Variants in CCNT1 observed in about 807,000 individuals in gnomAD.
CCNT1 encodes cyclin T1, also known as cyclin-T1.
Under a neutral mutation model 67.3 loss-of-function variants are expected in CCNT1, and 18 were observed. That is an observed-to-expected ratio of 0.27 (90% CI 0.18 to 0.40). The LOEUF is 0.40. CCNT1 is among the 10% of genes least tolerant of loss of function. CCNT1 has a pLI of 1.00. For synonymous variants in CCNT1, 333 were observed against 310.3 expected, an observed-to-expected ratio of 1.07 and a Z score of -0.77; for missense variants, 744 against 884.9, an observed-to-expected ratio of 0.84 and a Z score of 2.02.
intron 3 of CCNT1, among the ~76,000 whole-genome samples, chr12:48,703,118 AAAG>A (rs1940297823): frequency 6.6e-6 from 1 of 152,006 alleles, no homozygotes; most frequent in South Asian, 2.1e-4. Flanking sequence ...AGTTGCAGGA[AAAG>A]AAGCTCAGGG....
chr12:48,715,843 C>T (rs968887539), intron 1 of CCNT1, among the ~76,000 whole-genome samples: 1 of 152,204 alleles, frequency 6.6e-6, no homozygotes, highest in Admixed American at 6.5e-5. Context: ...CTATTTAAAA[C>T]ATTAGATTCG....
intron 8 of CCNT1, 143 bp downstream of exon 8, chr12:48,695,616 G>A (rs1045896161): frequency 1.6e-5 from 10 of 623,970 alleles, no homozygotes; most frequent in Non-Finnish European, 2.0e-5. Context: ...CAGTATCCAA[G>A]GTATGAAGTA....
chr12:48,712,196 TA>T (rs914269912), intron 2 of CCNT1, among the ~76,000 whole-genome samples: 3 of 152,198 alleles, frequency 2.0e-5, no homozygotes, highest in African/African-American at 4.8e-5. Context: ...TCTAGCTTCA[TA>T]AACTCTCTTT....
At chr12:48,713,835 T>C (rs1034029684) in intron 2 of CCNT1, among the ~76,000 whole-genome samples, 4 of 152,056 alleles carry the variant, frequency 2.6e-5, no homozygotes, top group Non-Finnish European at 5.9e-5. Flanking sequence ...CCACATGATT[T>C]CCCCTTTAAT....
chr12:48,693,667 T>C lies in CCNT1; in HGVS notation c.1547A>G (p.Asn516Ser), dbSNP rs1726320170. The change falls in exon 9 of 9, where the codon AAT becomes AGT. Residue 516 changes from asparagine (N) to serine (S), a missense_variant. This residue lies in a region of CCNT1 where 564 missense variants were observed against 574.2 expected (regional missense o/e 0.98). Coordinates refer to ENST00000261900, the MANE Select transcript of CCNT1 (RefSeq NM_001240.4). The part of the protein sequence containing the change: ...HKEKHKTHPS[N>S]HHHHHNHHSH... ...GTGGTGATTATGATGATGATGATGA[T>C]TAGATGGGTGAGTCTTGTGCTTTTC... 1.2e-5 allele frequency: 20 copies of C among 1,613,964 alleles called. No homozygotes were observed. The highest frequency in any genetic ancestry group is 1.6e-5 in the Non-Finnish European group (19 of 1,180,024).
chr12:48,704,251 G>C (rs1387080914), intron 3 of CCNT1, among the ~76,000 whole-genome samples: 1 of 152,138 alleles, frequency 6.6e-6, no homozygotes, highest in African/African-American at 2.4e-5. Context: ...TTATGAACTA[G>C]GCCACACAGC....
In CCNT1 at chr12:48,691,821, A is replaced by T. The variant is rs1940079092; in HGVS notation, c.*1212T>A. 1 of 152,220 alleles carries T rather than the reference A, an allele frequency of 6.6e-6. No homozygotes were observed. Among genetic ancestry groups the T allele is most frequent in the Non-Finnish European group, 1.5e-5 (1 of 68,048 alleles). The allele number at this position is 152,220 out of a possible 1,614,324, so 9.4% of individuals were successfully genotyped here. A position where few individuals can be genotyped will look rare whatever the true frequency, so the allele number is the denominator to read the frequency against. ...TGTAGCTGTTTCCCTTCGGATATAC[A>T]CATAAAAAGCATGTCTTACATTTAT... On this transcript the variant is annotated 3_prime_UTR_variant, in exon 9 of 9. Transcript: ENST00000261900.
At chr12:48,694,798 C>T (rs1013616391) in intron 8 of CCNT1, among the ~76,000 whole-genome samples, 1 of 152,158 alleles carries the variant, frequency 6.6e-6, no homozygotes, top group African/African-American at 2.4e-5. Flanking sequence ...CTCAAGCCTA[C>T]TTCTTTTTTG....
At chr12:48,704,738 G>C (rs1043783079) in intron 3 of CCNT1, among the ~76,000 whole-genome samples, 1 of 152,144 alleles carries the variant, frequency 6.6e-6, no homozygotes, top group South Asian at 2.1e-4. Flanking sequence ...GAAACCGGCA[G>C]GTGGAGGTTG....
intron 2 of CCNT1, among the ~76,000 whole-genome samples, chr12:48,708,733 G>A (rs555299772): frequency 8.9e-4 from 136 of 152,074 alleles, no homozygotes; most frequent in South Asian, 1.9e-3. Flanking sequence ...TTTCCTGTCC[G>A]TCCTCTTCCA....
intron 3 of CCNT1, among the ~76,000 whole-genome samples, chr12:48,702,771 C>G (rs1004693121): frequency 7.9e-5 from 12 of 151,796 alleles, no homozygotes; most frequent in African/African-American, 2.4e-4. Context: ...GAGCTGAGAT[C>G]GCACCACGGC....
At chr12:48,712,232 A>G (rs1396974632) in intron 2 of CCNT1, among the ~76,000 whole-genome samples, 1 of 152,120 alleles carries the variant, frequency 6.6e-6, no homozygotes, top group Non-Finnish European at 1.5e-5. Flanking sequence ...AAGTAATAAT[A>G]AATCTGAAAA....
In CCNT1 at chr12:48,698,200, A is replaced by G; in HGVS notation, c.497-17T>C. Reference sequence around the variant, plus strand: ...CCTTGCTTGCTAAAGAAAAAAAAAAAAAGTCAGGGGTGGGGGAGGAAAAAA... The same window carrying G: ...CCTTGCTTGCTAAAGAAAAAAAAAAGAAGTCAGGGGTGGGGGAGGAAAAAA... On this transcript the variant is annotated splice_polypyrimidine_tract_variant and intron_variant, in intron 5 of 8. Transcript: ENST00000261900. 6.4e-7 allele frequency: 1 copy of G among 1,562,354 alleles called. No individual in the cohort carries two copies. Among genetic ancestry groups the G allele is most frequent in the South Asian group, 1.2e-5 (1 of 82,096 alleles).
At chr12:48,697,534 AAT>A (rs771889041) in intron 6 of CCNT1, among the ~76,000 whole-genome samples, 2,746 of 130,572 alleles carry the variant, frequency 0.021, 78 homozygotes, top group East Asian at 0.11. Flanking sequence ...AAAAAAAAAA[AAT>A]ATATATATAT....
chr12:48,697,535 ATATAT>A (rs1320272750), intron 6 of CCNT1, among the ~76,000 whole-genome samples: 1 of 102,908 alleles, frequency 9.7e-6, no homozygotes, highest in African/African-American at 3.9e-5. Context: ...AAAAAAAAAA[ATATAT>A]ATATATATAT....
rs1408415029 is a variant in CCNT1, at chr12:48,693,924, A to G, written c.1290T>C (p.Asp430=). 6.2e-7 allele frequency: 1 copy of G among 1,614,072 alleles called. No homozygotes were observed. Among genetic ancestry groups the G allele is most frequent in the Non-Finnish European group, 8.5e-7 (1 of 1,180,046 alleles). ...YAAQNLLSHH[D]SHSSVILKMP... is the part of the protein sequence containing the mutation. ...TTTTTAGAATGACTGAAGAATGGCT[A>G]TCATGATGAGAAAGGAGATTCTGGG... Residue 430 remains aspartate, a synonymous_variant, in exon 9 of 9, where the codon GAT becomes GAC. Transcript: ENST00000261900.
Position 48,693,770 on chromosome 12 carries a change from T to A in CCNT1, c.1444A>T (p.Met482Leu). The change falls in exon 9 of 9, where the codon ATG (methionine) becomes TTG (leucine). Residue 482 changes from methionine (M) to leucine (L), a missense_variant. Coordinates refer to ENST00000261900, the MANE Select transcript of CCNT1 (RefSeq NM_001240.4). ...AASSKPEEIK[M>L]RIKVHAAADK... ...GCTGCAGCATGGACTTTTATGCGCA[T>A]TTTTATCTCCTCTGGTTTTGAAGAC... 6.2e-7 allele frequency: 1 copy of A among 1,614,148 alleles called. No homozygotes were observed. Among genetic ancestry groups the A allele is most frequent in the Non-Finnish European group, 8.5e-7 (1 of 1,180,018 alleles).
chr12:48,708,419 C>T (rs761970159), intron 2 of CCNT1, among the ~76,000 whole-genome samples: 1 of 151,918 alleles, frequency 6.6e-6, no homozygotes, highest in African/African-American at 2.4e-5. Context: ...TGGTGGCACA[C>T]GCCTTTGGTC....
intron 2 of CCNT1, among the ~76,000 whole-genome samples, chr12:48,711,182 C>A (rs933292471): frequency 6.6e-6 from 1 of 151,902 alleles, no homozygotes; most frequent in Admixed American, 6.6e-5. Flanking sequence ...CAGTTGAAGC[C>A]AAGCCTGGCC....
Sources: allele counts gnomAD v4.1 joint callset (sites outside exome capture counted in the v4.1 genomes callset), GRCh38; gene constraint gnomAD v4.1.1; regional missense constraint gnomAD v4.1.1; transcripts MANE v1.5; gene names NCBI Gene and HGNC (gene_info 2026-07-23, HGNC 2026-07-21).